The following TMC5 variants were observed in gnomAD, a reference collection of about 807,000 sequenced individuals.
TMC5 encodes the protein transmembrane channel like 5.
In TMC5, 86 loss-of-function variants were observed where a neutral mutation model predicts 110.5. The ratio of observed to expected loss-of-function variants is 0.78; its 90% CI spans 0.65 to 0.93. The LOEUF is 0.93. TMC5 is among the 40% of genes least tolerant of loss of function. The pLI, the probability that TMC5 is intolerant of heterozygous loss-of-function variation, is 0.00. For synonymous variants in TMC5, 455 were observed against 439.5 expected (o/e 1.04, Z -0.44); for missense variants, 1,144 against 1,222.8 (o/e 0.94, Z 0.96).
chr16:19,428,216 T>A (rs977348406), intron 1 of TMC5, among the ~76,000 whole-genome samples: 4 of 152,114 alleles, frequency 2.6e-5, no homozygotes, highest in African/African-American at 9.7e-5. Context: ...CTAGCTTTTT[T>A]AAAAACAAAT....
intron 2 of TMC5, among the ~76,000 whole-genome samples, chr16:19,435,157 T>C (rs1302848076): frequency 6.6e-6 from 1 of 151,382 alleles, no homozygotes; most frequent in Non-Finnish European, 1.5e-5. Flanking sequence ...AATCGGAAGG[T>C]TTTATGTTAC....
chr16:19,477,763 T>G (rs1968524353), intron 13 of TMC5, among the ~76,000 whole-genome samples: 2 of 152,218 alleles, frequency 1.3e-5, no homozygotes, highest in East Asian at 3.9e-4. Flanking sequence ...AGTCACTTAA[T>G]CTCTTTGAGC....
intron 20 of TMC5, among the ~76,000 whole-genome samples, chr16:19,495,670 C>A (rs1200130634): frequency 2.0e-5 from 3 of 151,882 alleles, no homozygotes; most frequent in Non-Finnish European, 4.4e-5. Context: ...TAGCGAGACC[C>A]CATCCCTTAA....
chr16:19,474,408 C>A (rs754777532), intron 12 of TMC5, 132 bp downstream of exon 12: 2 of 1,084,534 alleles, frequency 1.8e-6, no homozygotes, highest in African/African-American at 1.6e-5. Context: ...TAAGGTGTGG[C>A]TGGGCGTGGT....
At chr16:19,412,598 C>T (rs7194304) in intron 1 of TMC5, among the ~76,000 whole-genome samples, 2,763 of 151,564 alleles carry the variant, frequency 0.018, 89 homozygotes, top group African/African-American at 0.063. Flanking sequence ...GAACTCCTGA[C>T]CTCAGTTGAT....
upstream of TMC5, chr16:19,417,791 T>C (rs553198343): frequency 2.0e-5 from 3 of 152,224 alleles, no homozygotes; most frequent in Admixed American, 2.0e-4. Context: ...CTGATTTGCA[T>C]TTTCACCAGG....
At chr16:19,485,554 T>C (rs1968719584) in intron 15 of TMC5, among the ~76,000 whole-genome samples, 3 of 152,078 alleles carry the variant, frequency 2.0e-5, no homozygotes, top group Non-Finnish European at 2.9e-5. Context: ...CGCTTCGGCC[T>C]CCAAAAGTGA....
intron 18 of TMC5, among the ~76,000 whole-genome samples, chr16:19,490,949 T>TTCCCCTTCCCCTCCCTTCCCTTCCC (rs1968885929): frequency 7.1e-5 from 5 of 70,602 alleles, no homozygotes; most frequent in African/African-American, 2.4e-4. Flanking sequence ...CTTCCCTTCC[T>TTCCCCTTCCCCTCCCTTCCCTTCCC]TTCCCCTTCC....
intron 4 of TMC5, among the ~76,000 whole-genome samples, chr16:19,448,731 T>C: frequency 6.8e-6 from 1 of 146,194 alleles, no homozygotes; most frequent in Non-Finnish European, 1.5e-5. Context: ...ATTTTTATAT[T>C]ATATAACATA....
chr16:19,462,527 A>AGGCCTCACAGG (rs1187522213), intron 6 of TMC5: 2 of 702,228 alleles, frequency 2.8e-6, no homozygotes, highest in Non-Finnish European at 2.6e-6. Flanking sequence ...CAATCACGAC[A>AGGCCTCACAGG]GAGGACGAAG....
intron 13 of TMC5, among the ~76,000 whole-genome samples, chr16:19,478,694 TCATG>T (rs1968545253): frequency 6.6e-6 from 1 of 152,108 alleles, no homozygotes; most frequent in Admixed American, 6.5e-5. Context: ...ACGTATTCAT[TCATG>T]CATGCATCCA....
intron 1 of TMC5, among the ~76,000 whole-genome samples, chr16:19,425,152 A>G (rs1229421912): frequency 6.6e-6 from 1 of 152,176 alleles, no homozygotes; most frequent in African/African-American, 2.4e-5. Context: ...CCAAAGATAT[A>G]TTTCTTATCA....
intron 2 of TMC5, among the ~76,000 whole-genome samples, chr16:19,432,436 C>T (rs768885217): frequency 1.3e-5 from 2 of 152,032 alleles, no homozygotes. Flanking sequence ...TAGGATAGTA[C>T]CCTCTTTGTG....
At chr16:19,414,951 T>G (rs928965), upstream of TMC5, among the ~76,000 whole-genome samples, 9,832 of 152,072 alleles carry the variant, frequency 0.065, 1,080 homozygotes, top group African/African-American at 0.22. Context: ...GGCTGAGGCT[T>G]AGGCAAGAGG....
upstream of TMC5, among the ~76,000 whole-genome samples, chr16:19,413,422 G>A (rs764548382): frequency 3.4e-4 from 51 of 150,914 alleles, 1 homozygote; most frequent in Non-Finnish European, 7.4e-5. Flanking sequence ...TACTCGGGAG[G>A]CTGAGGCACA....
At chr16:19,460,580 G>A (rs1034335732) in intron 6 of TMC5, among the ~76,000 whole-genome samples, 1 of 152,120 alleles carries the variant, frequency 6.6e-6, no homozygotes, top group African/African-American at 2.4e-5. Context: ...GGCGTGGAAG[G>A]AAGAGAGGGG....
chr16:19,468,063 T>C (rs565235649), intron 9 of TMC5, among the ~76,000 whole-genome samples: 1 of 152,096 alleles, frequency 6.6e-6, no homozygotes, highest in East Asian at 1.9e-4. Flanking sequence ...CAACCTCCGC[T>C]TCTCGGGTTC....
At position 19,419,066 on chromosome 16, in the gene TMC5, C is replaced by T. The variant is rs184802052; in HGVS notation, c.-308+974C>T. Among the ~76,000 whole-genome samples, 928 of 152,270 alleles carry T rather than the reference C, an allele frequency of 6.1e-3. 6 individuals are homozygous for T. The highest frequency in any genetic ancestry group is 0.011 in the Non-Finnish European group (719 of 68,020). ...GTTGATGATGATGATCCAAGCCCAG[C>T]GTATGCAATCAGAGAGGTATGGGTT... On this transcript the variant is annotated intron_variant, in intron 1 of 21. Coordinates refer to ENST00000542583, the MANE Select transcript of TMC5 (RefSeq NM_001261841.2).
chr16:19,441,481 C>T (rs1274690292), intron 3 of TMC5, among the ~76,000 whole-genome samples: 1 of 151,744 alleles, frequency 6.6e-6, no homozygotes, highest in Non-Finnish European at 1.5e-5. Context: ...CTATTATGCC[C>T]GGCTAAGTTT....
Sources: allele counts gnomAD v4.1 joint callset (sites outside exome capture counted in the v4.1 genomes callset), GRCh38; gene constraint gnomAD v4.1.1; transcripts MANE v1.5; gene names NCBI Gene and HGNC (gene_info 2026-07-23, HGNC 2026-07-21).